CD300LG: variants seen among roughly 807,000 people sequenced by gnomAD.
The protein encoded by CD300LG is CD300 molecule like family member g, also known as CMRF35-like molecule 9.
Under a neutral mutation model 31.5 loss-of-function variants are expected in CD300LG, and 29 were observed. The ratio of observed to expected loss-of-function variants is 0.92; its 90% CI spans 0.68 to 1.25. CD300LG has a LOEUF of 1.25. Among genes scored for constraint, CD300LG ranks in the 50% most tolerant of loss-of-function variants. The pLI is 0.00. For missense variants in CD300LG, 396 were observed against 417.6 expected, an observed-to-expected ratio of 0.95 and a Z score of 0.45; for synonymous variants, 175 against 177.2, an observed-to-expected ratio of 0.99 and a Z score of 0.10.
intron 1 of CD300LG, among the ~76,000 whole-genome samples, chr17:43,847,626 C>T (rs894112581): frequency 1.3e-5 from 2 of 152,190 alleles, no homozygotes; most frequent in African/African-American, 2.4e-5. Context: ...TCGGCTATGC[C>T]TCTCCCCACA....
chr17:43,857,482 C>G, intron 6 of CD300LG: 3 of 1,534,574 alleles, frequency 2.0e-6, no homozygotes, highest in Non-Finnish European at 2.6e-6. Context: ...AACATCAGAG[C>G]TGGATCCAGA....
At chr17:43,847,489 T>C (rs190452232) in intron 1 of CD300LG, among the ~76,000 whole-genome samples, 171 of 152,300 alleles carry the variant, frequency 1.1e-3, no homozygotes, top group African/African-American at 4.0e-3. Flanking sequence ...TTTCCCCTCA[T>C]GGCAATGTGG....
rs755304047 is a variant in CD300LG at position 43,848,641 on chromosome 17, C to G, written c.127C>G (p.Leu43Val). 1.2e-6 allele frequency: 2 copies of G among 1,614,104 alleles called. No individual in the cohort carries two copies. The highest frequency in any genetic ancestry group is 2.2e-5 in the South Asian group (2 of 91,078). The change falls in exon 2 of 7, where the codon CTG becomes GTG. Residue 43 changes from leucine (L) to valine (V), a missense_variant. By Grantham distance (32) the Leu-to-Val change is conservative (BLOSUM62 1). Transcript: ENST00000317310. Reference protein sequence around the residue: ...VSLQCTYREELRDHRKYWCRK... With the variant: ...VSLQCTYREEVRDHRKYWCRK... Reference sequence around the variant, plus strand: ...CCTGCAGTGCACCTACAGGGAAGAGCTGAGGGACCACCGGAAGTACTGGTG... The same window carrying G: ...CCTGCAGTGCACCTACAGGGAAGAGGTGAGGGACCACCGGAAGTACTGGTG...
chr17:43,851,339 A>C (rs115128291), intron 2 of CD300LG, among the ~76,000 whole-genome samples: 3,143 of 152,264 alleles, frequency 0.021, 84 homozygotes, highest in African/African-American at 0.06. Flanking sequence ...TCACACACAC[A>C]AAGGAAATGC....
chr17:43,847,667 A>G (rs994348784), intron 1 of CD300LG, among the ~76,000 whole-genome samples: 1 of 152,234 alleles, frequency 6.6e-6, no homozygotes, highest in Non-Finnish European at 1.5e-5. Context: ...ATCACGTTTC[A>G]TCAATTCTTT....
chr17:43,859,987 C>T (rs1366483002), intron 6 of CD300LG, among the ~76,000 whole-genome samples: 1 of 152,224 alleles, frequency 6.6e-6, no homozygotes, highest in East Asian at 1.9e-4. Context: ...CCTCTAGCCT[C>T]AGCCTCCCAA....
chr17:43,855,198 C>T lies in CD300LG; in HGVS notation c.720-9C>T, dbSNP rs746763497. On this transcript the variant is annotated splice_polypyrimidine_tract_variant and intron_variant, in intron 4 of 6. Transcript: ENST00000317310. ...AACAGCCACTAGGCTCCTTGCGTCTCGTCTCCAGGGTGTCCATCCCGATGG... is the reference window on the plus strand; with the variant it reads ...AACAGCCACTAGGCTCCTTGCGTCTTGTCTCCAGGGTGTCCATCCCGATGG... 1.0e-5 allele frequency: 16 copies of T among 1,584,850 alleles called. No homozygotes were observed. Among genetic ancestry groups the T allele is most frequent in the South Asian group, 8.1e-5 (7 of 86,476 alleles).
chr17:43,853,937 C>G lies in CD300LG; in HGVS notation c.612C>G (p.His204Gln), dbSNP rs146326351. The change falls in exon 4 of 7, where the codon CAC becomes CAG. Residue 204 changes from histidine to glutamine, a missense_variant. His to Gln is a conservative substitution (Grantham distance 24, BLOSUM62 0). Coordinates refer to ENST00000317310, the MANE Select transcript of CD300LG (RefSeq NM_145273.4). ...RTSQYTGTSPHPATSPPAGSS... is the reference protein window; with the variant it reads ...RTSQYTGTSPQPATSPPAGSS... ...CTCAGTACACAGGAACCTCTCCTCA[C>G]CCAGCGACCTCTCCTCCTGCAGGGA... 1.1e-5 allele frequency: 18 copies of G among 1,614,026 alleles called. No individual in the cohort carries two copies. The African/African-American group carries it at 2.3e-4, about 20-fold the overall frequency.
chr17:43,858,650 T>A (rs1037376594), intron 6 of CD300LG: 19 of 985,392 alleles, frequency 1.9e-5, no homozygotes, highest in Non-Finnish European at 2.3e-5. Context: ...GTAAACACGA[T>A]CAGGTGGGTG....
At chr17:43,859,047 G>T (rs2046600475) in intron 6 of CD300LG, among the ~76,000 whole-genome samples, 1 of 152,188 alleles carries the variant, frequency 6.6e-6, no homozygotes, top group East Asian at 1.9e-4. Flanking sequence ...GAGAGAAAAG[G>T]GAAATTGCCC....
At chr17:43,858,576 G>A in intron 6 of CD300LG, 1 of 985,442 alleles carries the variant, frequency 1.0e-6, no homozygotes, top group Non-Finnish European at 1.2e-6. Flanking sequence ...GGCTCTAGGG[G>A]GCGGCCCCTT....
At chr17:43,855,369 C>T (rs745595327) in intron 5 of CD300LG, 50 bp downstream of exon 5, 5 of 1,163,360 alleles carry the variant, frequency 4.3e-6, no homozygotes, top group Non-Finnish European at 4.7e-6. Context: ...GGGCCAGGGA[C>T]CTCACTGAGA....
At chr17:43,851,237 C>A (rs893285772) in intron 2 of CD300LG, among the ~76,000 whole-genome samples, 4 of 151,158 alleles carry the variant, frequency 2.6e-5, no homozygotes, top group Non-Finnish European at 4.4e-5. Context: ...TTAGAAAAAT[C>A]CAAGAATAAA....
chr17:43,857,624 G>T, intron 6 of CD300LG: 1 of 1,131,758 alleles, frequency 8.8e-7, no homozygotes, highest in Non-Finnish European at 1.3e-6. Flanking sequence ...CCCTCCAGGG[G>T]TGGGGTCCAG....
intron 1 of CD300LG, 118 bp downstream of exon 1, chr17:43,847,377 A>C: frequency 4.7e-5 from 22 of 469,502 alleles, no homozygotes; most frequent in East Asian, 7.8e-5. Flanking sequence ...CCTCAGCCCT[A>C]GGGGAGCGGG....
Position 43,852,788 on chromosome 17 carries a change from G to A in CD300LG, c.380-124G>A, listed in dbSNP as rs536826415. 189 of 659,426 alleles carry A rather than the reference G, an allele frequency of 2.9e-4. 1 individual carries two copies. The East Asian group carries it at 5.6e-3, about 20-fold the overall frequency. The allele number at this position is 659,426 out of a possible 1,614,324, so 40.8% of individuals were successfully genotyped here. A position where few individuals can be genotyped will look rare whatever the true frequency, so the allele number is the denominator to read the frequency against. The stretch of plus-strand genomic sequence containing the variant: ...CCCGCCACGTGGCTCCTGGTTGGCC[G>A]AGGCGAAAGATGGCAGTGCTCTGTG... On this transcript the variant is annotated intron_variant, in intron 2 of 6. Coordinates refer to ENST00000317310, the MANE Select transcript of CD300LG (RefSeq NM_145273.4).
chr17:43,854,822 C>T (rs1030331935), intron 4 of CD300LG, among the ~76,000 whole-genome samples: 1 of 152,170 alleles, frequency 6.6e-6, no homozygotes, highest in East Asian at 1.9e-4. Context: ...CTAACATTGA[C>T]GTGGTGCCTG....
intron 6 of CD300LG, chr17:43,857,816 G>A (rs1281752820): frequency 6.5e-6 from 10 of 1,537,176 alleles, no homozygotes; most frequent in Non-Finnish European, 8.7e-7. Flanking sequence ...CTCTGAGCCT[G>A]CCTTGGCTCT....
intron 1 of CD300LG, among the ~76,000 whole-genome samples, 160 bp from the exon 2 acceptor site, chr17:43,848,398 T>C (rs934349200): frequency 6.6e-6 from 1 of 152,162 alleles, no homozygotes; most frequent in Non-Finnish European, 1.5e-5. Context: ...CTGCCCCAAG[T>C]TCCCCCAGCG....
Sources: gnomAD v4.1 joint callset for allele counts (sites outside exome capture counted in the v4.1 genomes callset) on GRCh38, gnomAD v4.1.1 for gene constraint, MANE v1.5 for transcripts, NCBI Gene and HGNC (gene_info 2026-07-23, HGNC 2026-07-21) for gene names.